The following PXDNL variants were observed in gnomAD, a reference collection of about 807,000 sequenced individuals.
PXDNL encodes probable oxidoreductase PXDNL.
PXDNL carries 145 observed loss-of-function variants against 150.8 expected under a neutral mutation model. That is an observed-to-expected ratio of 0.96 (90% CI 0.84 to 1.10). The LOEUF (loss-of-function observed/expected upper bound fraction) is 1.10, where lower values mean the gene tolerates loss of function less well. PXDNL is among the 50% of genes least tolerant of loss of function. The pLI is 0.00. For missense variants in PXDNL, 2,087 were observed against 1,873.9 expected (o/e 1.11, Z -2.10); for synonymous variants, 757 against 725.7 (o/e 1.04, Z -0.69).
At position 51,367,717 on chromosome 8, in the gene PXDNL, GA is replaced by G. The variant is rs1806964946; in HGVS notation, c.3901+4155del. The stretch of plus-strand genomic sequence containing the variant: ...TAACAGATACATAGAATGACTTGAG[GA>G]AATTTATGAAAAAAAATGCACGACA... On this transcript the variant is annotated intron_variant, in intron 19 of 22. Coordinates refer to ENST00000356297, the MANE Select transcript of PXDNL (RefSeq NM_144651.5). Among the ~76,000 whole-genome samples, 3 of 152,010 alleles carry G rather than the reference GA, an allele frequency of 2.0e-5. No individual in the cohort carries two copies. In the South Asian group the frequency reaches 6.2e-4, roughly 31 times the overall value.
intron 9 of PXDNL, 78 bp from the exon 10 acceptor site, chr8:51,453,863 A>C: frequency 2.0e-6 from 3 of 1,474,456 alleles, no homozygotes; most frequent in East Asian, 4.5e-5. Context: ...TTGTGGTTTT[A>C]AGATTATTGT....
intron 2 of PXDNL, among the ~76,000 whole-genome samples, chr8:51,649,509 A>C (rs1451396263): frequency 1.3e-5 from 2 of 152,160 alleles, no homozygotes; most frequent in Non-Finnish European, 2.9e-5. Flanking sequence ...ACTGTGATCC[A>C]AGGAGTAAAA....
At position 51,625,258 on chromosome 8, in the gene PXDNL, A is replaced by G. The variant is rs546510177; in HGVS notation, c.236+29431T>C. 8.5e-4 allele frequency among the ~76,000 whole-genome samples: 129 copies of G among 152,196 alleles called. 2 individuals are homozygous for G. The highest frequency in any genetic ancestry group is 2.8e-4 in the Non-Finnish European group (19 of 68,016). On this transcript the variant is annotated intron_variant, in intron 2 of 22. Transcript: ENST00000356297. ...CGTTAGCATCCTTAAGATGCTAAAG[A>G]CAAAAGCAAGCTAAGACTCTTTCTT...
At chr8:51,399,978 A>C (rs1808198803) in intron 17 of PXDNL, among the ~76,000 whole-genome samples, 1 of 152,258 alleles carries the variant, frequency 6.6e-6, no homozygotes, top group African/African-American at 2.4e-5. Flanking sequence ...AGATTTCTTC[A>C]GTTGAATATT....
At chr8:51,555,486 T>A (rs79645458) in intron 4 of PXDNL, among the ~76,000 whole-genome samples, 9,397 of 152,166 alleles carry the variant, frequency 0.062, 431 homozygotes, top group East Asian at 0.25. Context: ...TTTAAAAAAA[T>A]TTTTTTGATT....
At position 51,729,568 on chromosome 8, in the gene PXDNL, C is replaced by G. The variant is rs184629023; in HGVS notation, c.165-74808G>C. Reference sequence around the variant, plus strand: ...CTGGTGGGAATGCAAAACAGTAGAGCCACTTTGGGAAAGTTTGGCAGTTTC... The same window carrying G: ...CTGGTGGGAATGCAAAACAGTAGAGGCACTTTGGGAAAGTTTGGCAGTTTC... On this transcript the variant is annotated intron_variant, in intron 1 of 22. Coordinates refer to ENST00000356297, the MANE Select transcript of PXDNL (RefSeq NM_144651.5). Among the ~76,000 whole-genome samples, 26 of 152,290 alleles carry G rather than the reference C, an allele frequency of 1.7e-4. No homozygotes were observed. The East Asian group carries it at 4.8e-3, about 28-fold the overall frequency.
intron 2 of PXDNL, among the ~76,000 whole-genome samples, chr8:51,609,568 T>C (rs1200219716): frequency 6.6e-6 from 1 of 152,072 alleles, no homozygotes; most frequent in African/African-American, 2.4e-5. Context: ...TGGGTCAACA[T>C]GGTGATAGAG....
intron 1 of PXDNL, among the ~76,000 whole-genome samples, chr8:51,725,845 A>G (rs1470409492): frequency 6.6e-6 from 1 of 152,276 alleles, no homozygotes; most frequent in Non-Finnish European, 1.5e-5. Flanking sequence ...GACACAGGTC[A>G]TCTTACATGT....
intron 2 of PXDNL, among the ~76,000 whole-genome samples, chr8:51,604,596 A>G (rs1324823777): frequency 6.6e-6 from 1 of 152,192 alleles, no homozygotes; most frequent in Non-Finnish European, 1.5e-5. Context: ...ACATGTATAT[A>G]TATGTAACAA....
At chr8:51,555,109 T>G (rs916337060) in intron 4 of PXDNL, among the ~76,000 whole-genome samples, 1 of 152,162 alleles carries the variant, frequency 6.6e-6, no homozygotes, top group African/African-American at 2.4e-5. Flanking sequence ...GAACAGAAAT[T>G]CGTTGGCTCA....
At chr8:51,782,923 A>G (rs1258721247) in intron 1 of PXDNL, among the ~76,000 whole-genome samples, 3 of 152,242 alleles carry the variant, frequency 2.0e-5, no homozygotes, top group African/African-American at 4.8e-5. Context: ...GAAACATGAC[A>G]ATCTGCGATT....
At chr8:51,472,157 T>C in intron 8 of PXDNL, 30 bp downstream of exon 8, 1 of 1,419,240 alleles carries the variant, frequency 7.0e-7, no homozygotes, top group Non-Finnish European at 9.9e-7. Context: ...AGAAGGAGAA[T>C]CACAACCCAT....
chr8:51,428,592 A>G (rs1809171553), intron 12 of PXDNL, among the ~76,000 whole-genome samples: 1 of 152,188 alleles, frequency 6.6e-6, no homozygotes, highest in African/African-American at 2.4e-5. Flanking sequence ...GATTTTAATG[A>G]AAGAGCAGAA....
intron 4 of PXDNL, among the ~76,000 whole-genome samples, chr8:51,514,440 A>G (rs1344997187): frequency 1.3e-5 from 2 of 152,236 alleles, no homozygotes; most frequent in Non-Finnish European, 2.9e-5. Flanking sequence ...GAAGCTTTCC[A>G]AATGCAACAT....
At chr8:51,580,038 A>AAATG (rs1287383321) in intron 3 of PXDNL, among the ~76,000 whole-genome samples, 2 of 151,464 alleles carry the variant, frequency 1.3e-5, no homozygotes, top group Non-Finnish European at 2.9e-5. Flanking sequence ...ATAAATAAAT[A>AAATG]AAAAGAAAAA....
chr8:51,538,717 G>A (rs754689079), intron 4 of PXDNL, among the ~76,000 whole-genome samples: 11 of 152,120 alleles, frequency 7.2e-5, no homozygotes, highest in Non-Finnish European at 5.9e-5. Context: ...CATGAGCCGA[G>A]ATCGTGCCAG....
intron 1 of PXDNL, among the ~76,000 whole-genome samples, chr8:51,774,451 T>G (rs976814867): frequency 6.6e-6 from 1 of 152,182 alleles, no homozygotes; most frequent in African/African-American, 2.4e-5. Flanking sequence ...TATTAACAAC[T>G]TTAGATTGAG....
intron 4 of PXDNL, among the ~76,000 whole-genome samples, chr8:51,524,646 T>G (rs1811731208): frequency 6.6e-6 from 1 of 152,168 alleles, no homozygotes; most frequent in South Asian, 2.1e-4. Flanking sequence ...AAAAAAGATT[T>G]CTATAAAATA....
intron 4 of PXDNL, among the ~76,000 whole-genome samples, chr8:51,544,924 C>T (rs543908708): frequency 1.2e-4 from 18 of 152,038 alleles, no homozygotes; most frequent in Admixed American, 2.0e-4. Flanking sequence ...CAAACATCTC[C>T]GGCACCTTAA....
Sources: gnomAD v4.1 joint callset for allele counts (sites outside exome capture counted in the v4.1 genomes callset) on GRCh38, gnomAD v4.1.1 for gene constraint, MANE v1.5 for transcripts, NCBI Gene and HGNC (gene_info 2026-07-23, HGNC 2026-07-21) for gene names.